The following SCYL2 variants were observed in gnomAD, a reference collection of about 807,000 sequenced individuals.
SCYL2 encodes the protein SCY1 like pseudokinase 2.
In SCYL2, 36 loss-of-function variants were observed where a neutral mutation model predicts 100.4. The observed-to-expected ratio is 0.36, with a 90% CI of 0.27 to 0.47. The LOEUF (loss-of-function observed/expected upper bound fraction) is 0.47, where lower values mean the gene tolerates loss of function less well. Ranked by LOEUF, SCYL2 falls within the 20% of genes least tolerant of loss-of-function variation. The probability of loss-of-function intolerance (pLI) is 1.00; values close to 1 mark genes in which losing one functional copy is unlikely to be tolerated. For synonymous variants in SCYL2, 330 were observed against 359.2 expected (o/e 0.92, Z 0.92); for missense variants, 902 against 1,083.9 (o/e 0.83, Z 2.36).
Position 100,334,168 on chromosome 12 carries a change from C to T in SCYL2, c.1764C>T (p.Phe588=). The T allele has an allele frequency of 6.4e-7, 1 of 1,567,022 alleles. No homozygotes were observed. Residue 588 remains phenylalanine, a splice_region_variant and synonymous_variant, in exon 14 of 18, where the codon TTC becomes TTT. Coordinates refer to ENST00000360820, the MANE Select transcript of SCYL2 (RefSeq NM_017988.6). ...SIENNLNLNQ[F]NSFISVIKEM... is the part of the protein sequence containing the mutation. ...ATATCAATTTCTCATTATACCAGTTCAATTCTTTCATTTCCGTCATAAAAG... is the reference window on the plus strand; with the variant it reads ...ATATCAATTTCTCATTATACCAGTTTAATTCTTTCATTTCCGTCATAAAAG...
chr12:100,306,211 T>C (rs1341717809), intron 4 of SCYL2, among the ~76,000 whole-genome samples: 1 of 152,106 alleles, frequency 6.6e-6, no homozygotes, highest in African/African-American at 2.4e-5. Flanking sequence ...AGAAGAAAAT[T>C]TCAGGCCAAT....
chr12:100,340,282 A>G lies in SCYL2; in HGVS notation c.*1110A>G, dbSNP rs1241626777. On this transcript the variant is annotated 3_prime_UTR_variant, in exon 18 of 18. Transcript: ENST00000360820. ...TTAAATATTTTAATTTCTATTAGCC[A>G]TTTTTAGGAAGGAAAGAATCAATTC... 1.3e-5 allele frequency: 2 copies of G among 152,402 alleles called. No homozygotes were observed. Among genetic ancestry groups the G allele is most frequent in the African/African-American group, 4.8e-5 (2 of 41,434 alleles). The allele number at this position is 152,402 out of a possible 1,614,324, so 9.4% of individuals were successfully genotyped here.
intron 4 of SCYL2, among the ~76,000 whole-genome samples, chr12:100,298,704 C>G (rs1485636788): frequency 6.6e-6 from 1 of 152,140 alleles, no homozygotes; most frequent in South Asian, 2.1e-4. Flanking sequence ...CTGCCTCAGC[C>G]TCCCCAGTAG....
intron 11 of SCYL2, chr12:100,323,897 C>CT: frequency 9.0e-6 from 2 of 221,058 alleles, no homozygotes. Flanking sequence ...TTTCTTAATC[C>CT]TTTTCTGCTT....
At chr12:100,313,352 A>G in intron 6 of SCYL2, 70 bp from the exon 7 acceptor site, 1 of 646,764 alleles carries the variant, frequency 1.5e-6, no homozygotes. Flanking sequence ...AAATTTTTAA[A>G]TGTTTTCTTA....
At chr12:100,328,232 C>T (rs568094318) in intron 12 of SCYL2, among the ~76,000 whole-genome samples, 53 of 152,136 alleles carry the variant, frequency 3.5e-4, no homozygotes, top group African/African-American at 1.1e-3. Flanking sequence ...GACCCATGAT[C>T]GTGTCACTGC....
At chr12:100,299,338 T>G (rs915090033) in intron 4 of SCYL2, among the ~76,000 whole-genome samples, 1 of 152,228 alleles carries the variant, frequency 6.6e-6, no homozygotes, top group African/African-American at 2.4e-5. Flanking sequence ...TTTATTACGT[T>G]TTAACAGCTT....
Position 100,329,316 on chromosome 12 carries a change from T to C in SCYL2, c.1758T>C (p.Asn586=). 1 of 1,456,652 alleles carries C rather than the reference T, an allele frequency of 6.9e-7. No individual in the cohort carries two copies. The highest frequency in any genetic ancestry group is 9.6e-7 in the Non-Finnish European group (1 of 1,037,546). The allele number at this position is 1,456,652 out of a possible 1,614,324, so 90.2% of individuals were successfully genotyped here. ...PLSIENNLNL[N]QFNSFISVIK... ...GTATTGAAAACAATCTTAATCTTAA[T>C]CAGGTAGGAGTATTTTTGTGCTTTA... Residue 586 remains asparagine (N), a synonymous_variant, in exon 13 of 18, where the codon AAT becomes AAC. Coordinates refer to ENST00000360820, the MANE Select transcript of SCYL2 (RefSeq NM_017988.6).
chr12:100,329,337 C>A lies in SCYL2; in HGVS notation c.1761+18C>A. 1 of 1,215,684 alleles carries A rather than the reference C, an allele frequency of 8.2e-7. No individual in the cohort carries two copies. The highest frequency in any genetic ancestry group is 1.7e-5 in the Admixed American group (1 of 58,524). The allele number at this position is 1,215,684 out of a possible 1,614,324, so 75.3% of individuals were successfully genotyped here. On this transcript the variant is annotated intron_variant, in intron 13 of 17. Coordinates refer to ENST00000360820, the MANE Select transcript of SCYL2 (RefSeq NM_017988.6). Reference sequence around the variant, plus strand: ...TTAATCAGGTAGGAGTATTTTTGTGCTTTATTCATTTTATTCAGCTTACTT... The same window carrying A: ...TTAATCAGGTAGGAGTATTTTTGTGATTTATTCATTTTATTCAGCTTACTT...
intron 8 of SCYL2, among the ~76,000 whole-genome samples, chr12:100,314,894 A>G (rs1422706145): frequency 6.6e-6 from 1 of 152,184 alleles, no homozygotes; most frequent in Non-Finnish European, 1.5e-5. Flanking sequence ...TGTGGAGTTC[A>G]TTGTCTCACC....
chr12:100,271,819 TGG>T (rs2096288004), intron 1 of SCYL2, among the ~76,000 whole-genome samples: 1 of 152,216 alleles, frequency 6.6e-6, no homozygotes, highest in Non-Finnish European at 1.5e-5. Context: ...AATATATTCT[TGG>T]GGAAGTATAG....
chr12:100,304,385 G>A (rs1410308894), intron 4 of SCYL2, among the ~76,000 whole-genome samples: 2 of 152,168 alleles, frequency 1.3e-5, no homozygotes, highest in Admixed American at 6.5e-5. Flanking sequence ...TCCTGGTGGT[G>A]TAGGTACCTG....
chr12:100,285,802 TTGTTA>T (rs1050995841), intron 2 of SCYL2, among the ~76,000 whole-genome samples: 3 of 152,174 alleles, frequency 2.0e-5, no homozygotes, highest in African/African-American at 2.4e-5. Context: ...TTTTCAAACA[TTGTTA>T]TGTTCTTTGT....
chr12:100,339,381 C>G lies in SCYL2; in HGVS notation c.*209C>G, dbSNP rs1469099361. The G allele has an allele frequency of 2.0e-6, 1 of 510,200 alleles. No homozygotes were observed. The highest frequency in any genetic ancestry group is 3.4e-5 in the South Asian group (1 of 29,674). The allele number at this position is 510,200 out of a possible 1,614,324, so 31.6% of individuals were successfully genotyped here. A position where few individuals can be genotyped will look rare whatever the true frequency, so the allele number is the denominator to read the frequency against. On this transcript the variant is annotated 3_prime_UTR_variant, in exon 18 of 18. Coordinates refer to ENST00000360820, the MANE Select transcript of SCYL2 (RefSeq NM_017988.6). ...AAGCATTGAGGATTTTTTCCTCTTA[C>G]CAACTCCTCTTCAGGTTTTTAAAGA... is the stretch of plus-strand genomic sequence containing the variant.
chr12:100,307,833 A>G (rs1442771949), intron 4 of SCYL2, among the ~76,000 whole-genome samples: 3 of 152,262 alleles, frequency 2.0e-5, no homozygotes, highest in Non-Finnish European at 4.4e-5. Flanking sequence ...GGCGAAGCAT[A>G]TGAACAGACA....
intron 12 of SCYL2, chr12:100,327,377 A>G: frequency 6.3e-6 from 1 of 159,454 alleles, no homozygotes; most frequent in Non-Finnish European, 1.4e-5. Flanking sequence ...GAAACTCTGA[A>G]ATCATTTATA....
chr12:100,322,775 G>C (rs1180821374), intron 10 of SCYL2, among the ~76,000 whole-genome samples: 6 of 151,388 alleles, frequency 4.0e-5, no homozygotes, highest in African/African-American at 1.2e-4. Context: ...CAGGAGAATT[G>C]CTTGAACCCG....
At chr12:100,294,426 G>T (rs7487030) in intron 3 of SCYL2, among the ~76,000 whole-genome samples, 5 of 19,096 alleles carry the variant, frequency 2.6e-4, no homozygotes, top group South Asian at 2.1e-3. Context: ...CTGGCCGGGC[G>T]GGGGGGCTCC....
Position 100,329,184 on chromosome 12 carries a change from A to T in SCYL2, c.1643-17A>T. The T allele has an allele frequency of 2.5e-6, 3 of 1,188,104 alleles. No homozygotes were observed. Among genetic ancestry groups the T allele is most frequent in the Middle Eastern group, 4.0e-4 (2 of 4,972 alleles). 73.6% of individuals were successfully genotyped at this position (1,188,104 alleles called of 1,614,324 possible). On this transcript the variant is annotated splice_polypyrimidine_tract_variant and intron_variant, in intron 12 of 17. Coordinates refer to ENST00000360820, the MANE Select transcript of SCYL2 (RefSeq NM_017988.6). ...ATGGTGTTAACTTATAAAATTTGTC[A>T]CATTCTTTTCTATCAGGTATTTACA...
Sources: gnomAD v4.1 joint callset for allele counts (sites outside exome capture counted in the v4.1 genomes callset) on GRCh38, gnomAD v4.1.1 for gene constraint, MANE v1.5 for transcripts, NCBI Gene and HGNC (gene_info 2026-07-23, HGNC 2026-07-21) for gene names.